The following ACSM4 variants were observed in gnomAD, a reference collection of about 807,000 sequenced individuals.
ACSM4 encodes the protein acyl-coenzyme A synthetase ACSM4, mitochondrial.
A neutral mutation model predicts 73.0 loss-of-function variants in ACSM4; 66 were observed. The observed-to-expected ratio is 0.90, with a 90% CI of 0.74 to 1.11. The LOEUF (loss-of-function observed/expected upper bound fraction) is 1.11, where lower values mean the gene tolerates loss of function less well. ACSM4 is among the 50% of genes least tolerant of loss of function. ACSM4 has a pLI of 0.00. For synonymous variants in ACSM4, 222 were observed against 254.0 expected (o/e 0.87, Z 1.20); for missense variants, 645 against 714.4 (o/e 0.90, Z 1.11).
At chr12:7,307,814 T>A (rs991749950) in intron 2 of ACSM4, among the ~76,000 whole-genome samples, 5 of 152,350 alleles carry the variant, frequency 3.3e-5, no homozygotes, top group African/African-American at 1.2e-4. Context: ...GGAGATACTA[T>A]GGCCTGCAAA....
At chr12:7,325,281 A>C (rs893546111) in intron 11 of ACSM4, among the ~76,000 whole-genome samples, 2 of 152,270 alleles carry the variant, frequency 1.3e-5, no homozygotes, top group African/African-American at 4.8e-5. Flanking sequence ...GCATAGGCAA[A>C]AGCCACAGAT....
chr12:7,325,416 G>A (rs1308611759), intron 11 of ACSM4, among the ~76,000 whole-genome samples: 3 of 152,232 alleles, frequency 2.0e-5, no homozygotes, highest in Non-Finnish European at 4.4e-5. Flanking sequence ...GGAGGCCGAG[G>A]TGGGTGGATC....
intron 9 of ACSM4, 63 bp downstream of exon 9, chr12:7,323,623 C>T (rs1384174025): frequency 1.9e-5 from 27 of 1,425,286 alleles, no homozygotes; most frequent in East Asian, 1.4e-4. Context: ...TCATTTCCAC[C>T]GTGTCTTGCT....
rs1157886465 is a variant in ACSM4, at chr12:7,326,308, G to A, written c.1537-668G>A. On this transcript the variant is annotated intron_variant, in intron 11 of 12. Transcript: ENST00000399422. ...ACCTCTCAAACTGCTGGGCTCAGTCGATCCTCCTGCCTCAGGCTCTCAAGT... is the reference window on the plus strand; with the variant it reads ...ACCTCTCAAACTGCTGGGCTCAGTCAATCCTCCTGCCTCAGGCTCTCAAGT... Among the ~76,000 whole-genome samples, 6 of 152,082 alleles carry A rather than the reference G, an allele frequency of 3.9e-5. No homozygotes were observed. The South Asian group carries it at 6.2e-4, about 16-fold the overall frequency.
intron 1 of ACSM4, among the ~76,000 whole-genome samples, chr12:7,306,011 A>G (rs1223571200): frequency 6.6e-6 from 1 of 152,220 alleles, no homozygotes; most frequent in African/African-American, 2.4e-5. Flanking sequence ...GCCTTAGGGT[A>G]CAAAGAGATG....
At chr12:7,319,857 C>A (rs967398744) in intron 5 of ACSM4, among the ~76,000 whole-genome samples, 1 of 152,156 alleles carries the variant, frequency 6.6e-6, no homozygotes, top group Admixed American at 6.5e-5. Flanking sequence ...AATAAGAATA[C>A]TTTTATTTTA....
intron 3 of ACSM4, among the ~76,000 whole-genome samples, chr12:7,311,177 T>C (rs963347264): frequency 8.6e-5 from 13 of 150,806 alleles, no homozygotes; most frequent in African/African-American, 2.7e-4. Context: ...AAAAAATAAA[T>C]AAATAAATAA....
chr12:7,313,931 G>C (rs187234041), intron 3 of ACSM4, among the ~76,000 whole-genome samples: 27 of 152,298 alleles, frequency 1.8e-4, no homozygotes, highest in African/African-American at 6.5e-4. Flanking sequence ...GTTTTAAGAA[G>C]GGAAGTGCCA....
In ACSM4 at chr12:7,324,521, G is replaced by T. The variant is rs779165811; in HGVS notation, c.1459G>T (p.Val487Leu). Residue 487 changes from valine (V) to leucine (L), a missense_variant, in exon 11 of 13, where the codon GTG (valine) becomes TTG (leucine). Transcript: ENST00000399422. Reference protein sequence around the residue: ...SSGYRIGPFEVESALIEHPAV... With the variant: ...SSGYRIGPFELESALIEHPAV... ...CAGGTACCGTATTGGGCCATTTGAA[G>T]TGGAGAGTGCACTCATTGAGCATCC... 3.7e-6 allele frequency: 6 copies of T among 1,613,854 alleles called. No homozygotes were observed. The Admixed American group carries it at 8.3e-5, about 22-fold the overall frequency.
chr12:7,326,827 A>G, intron 11 of ACSM4, 149 bp from the exon 12 acceptor site: 2 of 858,472 alleles, frequency 2.3e-6, no homozygotes, highest in East Asian at 2.9e-5. Flanking sequence ...AATTGTATCC[A>G]AGCTTTGTTC....
intron 3 of ACSM4, 72 bp from the exon 4 acceptor site, chr12:7,317,065 T>G: frequency 6.6e-7 from 1 of 1,518,638 alleles, no homozygotes; most frequent in East Asian, 2.4e-5. Context: ...CATAAGTAGT[T>G]GAGCAGAGGA....
chr12:7,320,592 G>A (rs1164902092), intron 5 of ACSM4, 133 bp from the exon 6 acceptor site: 30 of 660,130 alleles, frequency 4.5e-5, no homozygotes, highest in Non-Finnish European at 5.3e-6. Context: ...AATAAATATT[G>A]TTTTCTTATT....
At chr12:7,316,052 T>C (rs1565753438) in intron 3 of ACSM4, among the ~76,000 whole-genome samples, 1 of 152,160 alleles carries the variant, frequency 6.6e-6, no homozygotes, top group South Asian at 2.1e-4. Context: ...AGTCATGAGA[T>C]CACCCCAGAT....
intron 3 of ACSM4, among the ~76,000 whole-genome samples, chr12:7,313,768 G>C (rs916428761): frequency 2.6e-5 from 4 of 152,168 alleles, no homozygotes; most frequent in Admixed American, 6.5e-5. Flanking sequence ...GGTGTGCAGG[G>C]AATGGACTAC....
Position 7,328,340 on chromosome 12 carries a change from C to T in ACSM4, c.1710C>T (p.Asn570=), listed in dbSNP as rs368497546. 3.8e-5 allele frequency: 61 copies of T among 1,594,510 alleles called. No individual in the cohort carries two copies. The African/African-American group carries it at 6.2e-4, about 16-fold the overall frequency. Residue 570 remains asparagine, a synonymous_variant, in exon 13 of 13, where the codon AAC becomes AAT. Transcript: ENST00000399422. ...PKTITGKIKR[N]VLRDQEWRGR is the part of the protein sequence containing the mutation. ...CAATCACTGGGAAAATCAAACGCAA[C>T]GTTTTAAGAGACCAAGAATGGAGAG...
intron 11 of ACSM4, 21 bp downstream of exon 11, chr12:7,324,619 A>T: frequency 6.2e-7 from 1 of 1,610,040 alleles, no homozygotes; most frequent in Non-Finnish European, 8.5e-7. Context: ...GTCATTTATT[A>T]AAGAAGCAAC....
At chr12:7,306,862 A>AAC in intron 2 of ACSM4, 119 bp downstream of exon 2, 1 of 991,452 alleles carries the variant, frequency 1.0e-6, no homozygotes, top group Non-Finnish European at 1.4e-6. Flanking sequence ...AAAAAAAAAA[A>AAC]AAGAAGAGTT....
intron 11 of ACSM4, among the ~76,000 whole-genome samples, chr12:7,326,641 A>G (rs891231947): frequency 6.6e-6 from 1 of 152,216 alleles, no homozygotes; most frequent in Non-Finnish European, 1.5e-5. Flanking sequence ...GTATAGGTTT[A>G]ATGGAGTAAG....
chr12:7,325,367 C>T lies in ACSM4; in HGVS notation c.1536+769C>T, dbSNP rs1946496092. Among the ~76,000 whole-genome samples the T allele has an allele frequency of 3.3e-5, 5 of 152,220 alleles. 1 individual carries two copies. The highest frequency in any genetic ancestry group is 3.3e-4 in the Admixed American group (5 of 15,284). The stretch of plus-strand genomic sequence containing the variant: ...AACAAGACAAATAGAAAATGGTGGG[C>T]TGGGCACGGTGGCTCACGCCTGTAA... On this transcript the variant is annotated intron_variant, in intron 11 of 12. Coordinates refer to ENST00000399422, the MANE Select transcript of ACSM4 (RefSeq NM_001080454.2).
Sources: allele counts gnomAD v4.1 joint callset (sites outside exome capture counted in the v4.1 genomes callset), GRCh38; gene constraint gnomAD v4.1.1; transcripts MANE v1.5; gene names NCBI Gene and HGNC (gene_info 2026-07-23, HGNC 2026-07-21).